Variants in TDRD10 observed in about 807,000 individuals in gnomAD.
TDRD10 encodes the protein tudor domain-containing protein 10.
TDRD10 carries 40 observed loss-of-function variants against 48.0 expected under a neutral mutation model. That is an observed-to-expected ratio of 0.83 (90% CI 0.65 to 1.09). The LOEUF is 1.09. Among genes scored for constraint, TDRD10 ranks in the 50% least tolerant of loss-of-function variants. The pLI is 0.00. For missense variants in TDRD10, 378 were observed against 434.7 expected (o/e 0.87, Z 1.16); for synonymous variants, 162 against 170.4 (o/e 0.95, Z 0.38).
chr1:154,519,646 C>T (rs575550408), intron 4 of TDRD10, among the ~76,000 whole-genome samples: 45 of 152,232 alleles, frequency 3.0e-4, no homozygotes, highest in African/African-American at 1.0e-3. Flanking sequence ...GAAATGGAGG[C>T]ATTAGGTGGA....
At position 154,542,965 on chromosome 1, in the gene TDRD10, C is replaced by A. The variant is rs201711252; in HGVS notation, c.503+144C>A. The A allele has an allele frequency of 2.0e-4, 124 of 611,720 alleles. 1 individual carries two copies. The East Asian group carries it at 3.7e-3, about 18-fold the overall frequency. The allele number at this position is 611,720 out of a possible 1,614,324, so 37.9% of individuals were successfully genotyped here. A position where few individuals can be genotyped will look rare whatever the true frequency, so the allele number is the denominator to read the frequency against. ...TCAGACCCAGGCTGTAAGGCTGTGA[C>A]CCACACTGACTTATAAAATCAGCTT... is the stretch of plus-strand genomic sequence containing the variant. On this transcript the variant is annotated intron_variant, in intron 8 of 12. Transcript: ENST00000368482.
At chr1:154,521,583 T>C in intron 6 of TDRD10, 104 bp downstream of exon 6, 1 of 1,348,260 alleles carries the variant, frequency 7.4e-7, no homozygotes, top group Non-Finnish European at 1.0e-6. Flanking sequence ...CCAGTCTGAC[T>C]GTGGAGAAGA....
intron 6 of TDRD10, among the ~76,000 whole-genome samples, chr1:154,531,160 T>A (rs1694597216): frequency 6.6e-6 from 1 of 152,218 alleles, no homozygotes; most frequent in Non-Finnish European, 1.5e-5. Flanking sequence ...CATTTTTAAA[T>A]ACTGTTTTTG....
At chr1:154,545,771 CTT>C (rs368587572) in intron 11 of TDRD10, among the ~76,000 whole-genome samples, 23,180 of 128,880 alleles carry the variant, frequency 0.18, 2,054 homozygotes, top group South Asian at 0.23. Context: ...CAAACTAAGT[CTT>C]TTTTTTTTTT....
intron 11 of TDRD10, among the ~76,000 whole-genome samples, chr1:154,546,362 G>A (rs1695568882): frequency 2.1e-5 from 3 of 145,046 alleles, no homozygotes; most frequent in East Asian, 2.0e-4. Context: ...GCGAGCCACC[G>A]CACCCGGCCA....
At chr1:154,520,665 A>G (rs187143451) in intron 5 of TDRD10, among the ~76,000 whole-genome samples, 239 of 152,300 alleles carry the variant, frequency 1.6e-3, no homozygotes, top group Non-Finnish European at 2.9e-3. Flanking sequence ...TACCACCCTA[A>G]GCCTTAGTTG....
chr1:154,521,255 G>A, intron 5 of TDRD10, 68 bp from the exon 6 acceptor site: 1 of 1,537,792 alleles, frequency 6.5e-7, no homozygotes, highest in Non-Finnish European at 8.9e-7. Flanking sequence ...TGGGCTTGGT[G>A]CCTCCCTGCA....
chr1:154,524,153 GC>G (rs1032463881), intron 6 of TDRD10, among the ~76,000 whole-genome samples: 4 of 151,966 alleles, frequency 2.6e-5, no homozygotes, highest in African/African-American at 9.7e-5. Flanking sequence ...AAATTTTCAG[GC>G]CCCTTTACAA....
At chr1:154,519,740 A>G (rs572548710) in intron 4 of TDRD10, among the ~76,000 whole-genome samples, 207 of 118,360 alleles carry the variant, frequency 1.7e-3, no homozygotes, top group Non-Finnish European at 3.1e-3. Flanking sequence ...AGACCTTATC[A>G]TAAAGCGGGG....
intron 6 of TDRD10, among the ~76,000 whole-genome samples, chr1:154,527,042 C>G (rs1694356087): frequency 6.6e-6 from 1 of 152,152 alleles, no homozygotes; most frequent in Non-Finnish European, 1.5e-5. Flanking sequence ...TCCCAAGTAG[C>G]TGGGATTACA....
rs185107883 is a variant in TDRD10, at chr1:154,536,800, A to G, written c.370-5224A>G. On this transcript the variant is annotated intron_variant, in intron 6 of 12. Coordinates refer to ENST00000368482, the MANE Select transcript of TDRD10 (RefSeq NM_182499.4). ...TGTCTGGCTTCTTTCATTCAGTGGA[A>G]TGTTATTGAGATGCATCCATGTGGT... Among the ~76,000 whole-genome samples, 3 of 152,252 alleles carry G rather than the reference A, an allele frequency of 2.0e-5. No individual in the cohort carries two copies. The East Asian group carries it at 5.8e-4, about 29-fold the overall frequency.
Position 154,520,291 on chromosome 1 carries a change from C to G in TDRD10, c.142-13C>G. 1 of 1,604,990 alleles carries G rather than the reference C, an allele frequency of 6.2e-7. No homozygotes were observed. The highest frequency in any genetic ancestry group is 8.5e-7 in the Non-Finnish European group (1 of 1,171,852). ...GTCTCTGGGTCTCTCTCTTTTAAAC[C>G]CTGCTGTTGTAGGAGGAAATTCTGT... On this transcript the variant is annotated splice_polypyrimidine_tract_variant and intron_variant, in intron 4 of 12. Transcript: ENST00000368482.
intron 4 of TDRD10, among the ~76,000 whole-genome samples, chr1:154,508,741 C>T (rs1398546293): frequency 6.6e-6 from 1 of 152,108 alleles, no homozygotes; most frequent in African/African-American, 2.4e-5. Flanking sequence ...GGTTGGTCAG[C>T]CTTCTTGTCA....
At chr1:154,542,855 T>C in intron 8 of TDRD10, 34 bp downstream of exon 8, 1 of 1,563,210 alleles carries the variant, frequency 6.4e-7, no homozygotes, top group Admixed American at 1.7e-5. Flanking sequence ...CCAGGGCAAA[T>C]GGCGATTACA....
intron 6 of TDRD10, among the ~76,000 whole-genome samples, chr1:154,539,603 G>A (rs1223274356): frequency 6.6e-6 from 1 of 152,170 alleles, no homozygotes; most frequent in Admixed American, 6.5e-5. Context: ...GTGAGCCGCA[G>A]TACCCAGCCC....
chr1:154,515,049 G>A (rs1693682644), intron 4 of TDRD10, among the ~76,000 whole-genome samples: 3 of 151,758 alleles, frequency 2.0e-5, no homozygotes. Context: ...TGTATTTTTA[G>A]TAGAGACGGG....
At chr1:154,547,615 G>A in intron 12 of TDRD10, 63 bp from the exon 13 acceptor site, 1 of 1,614,190 alleles carries the variant, frequency 6.2e-7, no homozygotes, top group Non-Finnish European at 8.5e-7. Flanking sequence ...GTTATCTGAG[G>A]GGTTGGGTGA....
intron 4 of TDRD10, among the ~76,000 whole-genome samples, chr1:154,511,543 A>AAATAATACT (rs1693475769): frequency 1.3e-5 from 2 of 150,844 alleles, no homozygotes; most frequent in South Asian, 4.2e-4. Context: ...CTAATAATAC[A>AAATAATACT]AATAATACTA....
chr1:154,509,908 C>T (rs938467741), intron 4 of TDRD10: 12 of 976,758 alleles, frequency 1.2e-5, no homozygotes, highest in Non-Finnish European at 1.5e-5. Flanking sequence ...CTCTCTTCCC[C>T]CCTCCCCAGT....
Sources: gnomAD v4.1 joint callset for allele counts (sites outside exome capture counted in the v4.1 genomes callset) on GRCh38, gnomAD v4.1.1 for gene constraint, MANE v1.5 for transcripts, NCBI Gene and HGNC (gene_info 2026-07-23, HGNC 2026-07-21) for gene names.